Variants in NOL10 observed in about 807,000 individuals in gnomAD.
NOL10 encodes the protein nucleolar protein 10.
Under a neutral mutation model 103.5 loss-of-function variants are expected in NOL10, and 58 were observed. That is an observed-to-expected ratio of 0.56 (90% confidence interval 0.45 to 0.70). The LOEUF (loss-of-function observed/expected upper bound fraction) is 0.70. NOL10 is among the 30% of genes least tolerant of loss of function. NOL10 has a pLI of 0.00. For missense variants in NOL10, 763 were observed against 807.3 expected, an observed-to-expected ratio of 0.95 and a Z score of 0.67; for synonymous variants, 287 against 282.5, an observed-to-expected ratio of 1.02 and a Z score of -0.16.
At chr2:10,600,122 T>C (rs963823382) in intron 17 of NOL10, among the ~76,000 whole-genome samples, 1 of 152,212 alleles carries the variant, frequency 6.6e-6, no homozygotes, top group Admixed American at 6.5e-5. Context: ...TTCCAACTCA[T>C]TCCAGCACAT....
chr2:10,663,503 T>C (rs1042779914), intron 8 of NOL10, among the ~76,000 whole-genome samples: 4 of 152,184 alleles, frequency 2.6e-5, no homozygotes, highest in African/African-American at 9.7e-5. Context: ...AATATCATAA[T>C]GCCTGCAACT....
rs7604523 is a variant in NOL10 at position 10,631,070 on chromosome 2, A to C, written c.1026+13250T>G. ...AGTATGTCTAATAGGGCTCTGCTTAAATGTGCACTTTAGATGAAAGTGTGA... is the reference window on the plus strand; with the variant it reads ...AGTATGTCTAATAGGGCTCTGCTTACATGTGCACTTTAGATGAAAGTGTGA... On this transcript the variant is annotated intron_variant, in intron 13 of 20. Transcript: ENST00000381685. 9.6e-3 allele frequency among the ~76,000 whole-genome samples: 1,455 copies of C among 152,320 alleles called. 31 individuals are homozygous for C. The highest frequency in any genetic ancestry group is 0.033 in the African/African-American group (1,392 of 41,584).
chr2:10,572,217 G>C (rs1039586445), intron 20 of NOL10, 27 bp from the exon 21 acceptor site: 6 of 1,612,462 alleles, frequency 3.7e-6, no homozygotes, highest in Middle Eastern at 3.3e-4. Context: ...AATGAGTAGA[G>C]GGAAAGAGAG....
chr2:10,666,002 T>C (rs1332421076), intron 8 of NOL10, among the ~76,000 whole-genome samples: 1 of 152,150 alleles, frequency 6.6e-6, no homozygotes, highest in East Asian at 1.9e-4. Context: ...GTGAGCATGG[T>C]AGCCAACAGT....
chr2:10,650,628 G>A (rs1679397495), intron 12 of NOL10, among the ~76,000 whole-genome samples: 1 of 152,050 alleles, frequency 6.6e-6, no homozygotes, highest in Admixed American at 6.6e-5. Context: ...GCGTGATGGT[G>A]CGTATCTGTA....
chr2:10,612,508 A>AT (rs1281424755), intron 13 of NOL10, among the ~76,000 whole-genome samples: 3 of 151,858 alleles, frequency 2.0e-5, no homozygotes, highest in African/African-American at 7.2e-5. Flanking sequence ...TAGAAATATT[A>AT]TTTTTTTTCT....
At chr2:10,669,001 G>T (rs1680734864) in intron 6 of NOL10, among the ~76,000 whole-genome samples, 1 of 152,070 alleles carries the variant, frequency 6.6e-6, no homozygotes, top group African/African-American at 2.4e-5. Flanking sequence ...TATATGTAAT[G>T]TATCTACATA....
At chr2:10,581,684 G>A (rs370730586) in intron 19 of NOL10, among the ~76,000 whole-genome samples, 4 of 152,100 alleles carry the variant, frequency 2.6e-5, no homozygotes, top group African/African-American at 7.2e-5. Flanking sequence ...ACAATTAGCC[G>A]CATGTGGTGG....
At chr2:10,644,041 T>C (rs543478721) in intron 13 of NOL10, among the ~76,000 whole-genome samples, 256 of 152,184 alleles carry the variant, frequency 1.7e-3, no homozygotes, top group African/African-American at 5.9e-3. Context: ...CTTGAGGTCA[T>C]GAGTTCAAGA....
chr2:10,628,451 T>C (rs1677624141), intron 13 of NOL10, among the ~76,000 whole-genome samples: 1 of 152,236 alleles, frequency 6.6e-6, no homozygotes, highest in Non-Finnish European at 1.5e-5. Context: ...CTGCTGCTGC[T>C]AGGCACCATC....
At chr2:10,583,928 AG>A (rs1157928703) in intron 19 of NOL10, among the ~76,000 whole-genome samples, 1 of 149,722 alleles carries the variant, frequency 6.7e-6, no homozygotes, top group African/African-American at 2.5e-5. Context: ...TTATTACAAA[AG>A]TATTTACAAC....
Position 10,657,870 on chromosome 2 carries a change from A to G in NOL10, c.778T>C (p.Ser260Pro). The G allele has an allele frequency of 6.5e-7, 1 of 1,539,046 alleles. No individual in the cohort carries two copies. The highest frequency in any genetic ancestry group is 1.2e-5 in the South Asian group (1 of 80,432). ...TCTTTAACTAGCAATGGCTTATCAG[A>G]TCGAAGGTCATATAATAAAACCTGA... is the stretch of plus-strand genomic sequence containing the variant. ...TGQVLLYDLR[S>P]DKPLLVKDHQ... The change falls in exon 11 of 21, where the codon TCT becomes CCT. Residue 260 changes from serine (S) to proline (P), a missense_variant. Transcript: ENST00000381685.
At chr2:10,644,229 T>C in intron 13 of NOL10, 91 bp downstream of exon 13, 1 of 954,542 alleles carries the variant, frequency 1.0e-6, no homozygotes, top group Non-Finnish European at 1.5e-6. Flanking sequence ...GCATCGGTGA[T>C]CGCCAGACTC....
intron 13 of NOL10, among the ~76,000 whole-genome samples, chr2:10,615,910 A>C (rs1676808764): frequency 6.6e-6 from 1 of 152,114 alleles, no homozygotes; most frequent in Non-Finnish European, 1.5e-5. Context: ...GTGGGTGGGG[A>C]GTATGCCACC....
intron 9 of NOL10, among the ~76,000 whole-genome samples, chr2:10,662,489 A>G (rs1184864041): frequency 1.3e-5 from 2 of 152,236 alleles, no homozygotes; most frequent in African/African-American, 2.4e-5. Flanking sequence ...TTCAGGTTCT[A>G]GGTATCATTT....
intron 19 of NOL10, among the ~76,000 whole-genome samples, chr2:10,580,437 A>T (rs944043505): frequency 2.2e-5 from 3 of 135,298 alleles, no homozygotes; most frequent in Non-Finnish European, 3.1e-5. Flanking sequence ...GCCATGGGGG[A>T]CTTTTTCACT....
At chr2:10,688,490 C>A (rs1205703413) in intron 1 of NOL10, among the ~76,000 whole-genome samples, 1 of 152,204 alleles carries the variant, frequency 6.6e-6, no homozygotes, top group Non-Finnish European at 1.5e-5. Context: ...AAACTCTTCC[C>A]CACATCTTCA....
intron 17 of NOL10, among the ~76,000 whole-genome samples, chr2:10,591,638 CG>C (rs1300041301): frequency 1.3e-5 from 2 of 151,698 alleles, no homozygotes; most frequent in African/African-American, 4.8e-5. Context: ...GGAAGAGAAA[CG>C]AAGGAGGGAG....
intron 17 of NOL10, 160 bp from the exon 18 acceptor site, chr2:10,589,911 C>T (rs938938028): frequency 2.2e-6 from 1 of 456,764 alleles, no homozygotes; most frequent in Non-Finnish European, 3.7e-6. Context: ...TTTCAACGTG[C>T]CCCTAGGTTT....
Sources: allele counts gnomAD v4.1 joint callset (sites outside exome capture counted in the v4.1 genomes callset), GRCh38; gene constraint gnomAD v4.1.1; transcripts MANE v1.5; gene names NCBI Gene and HGNC (gene_info 2026-07-23, HGNC 2026-07-21).